Variants in CDH18 observed in about 807,000 individuals in gnomAD.
CDH18 encodes the protein cadherin-18.
Under a neutral mutation model 67.9 loss-of-function variants are expected in CDH18, and 31 were observed. The observed-to-expected ratio is 0.46, with a 90% CI of 0.34 to 0.62. The LOEUF (loss-of-function observed/expected upper bound fraction) is 0.62. Among genes scored for constraint, CDH18 ranks in the 20% least tolerant of loss-of-function variants. The pLI is 0.01. For missense variants in CDH18, 890 were observed against 975.5 expected (o/e 0.91, Z 1.17); for synonymous variants, 362 against 347.2 (o/e 1.04, Z -0.48).
intron 4 of CDH18, among the ~76,000 whole-genome samples, chr5:19,740,368 T>C (rs545384147): frequency 5.3e-5 from 8 of 152,168 alleles, no homozygotes; most frequent in African/African-American, 1.7e-4. Flanking sequence ...AAACAACTTC[T>C]AGATTTAAAA....
At chr5:19,918,878 T>G (rs1014246359) in intron 2 of CDH18, among the ~76,000 whole-genome samples, 4 of 152,110 alleles carry the variant, frequency 2.6e-5, no homozygotes, top group Non-Finnish European at 5.9e-5. Flanking sequence ...ACCTCTTTCA[T>G]GCACATCCCA....
chr5:19,903,541 GTATATATATATA>G (rs112818883), intron 2 of CDH18, among the ~76,000 whole-genome samples: 2 of 124,730 alleles, frequency 1.6e-5, no homozygotes, highest in Admixed American at 8.7e-5. Flanking sequence ...GTGTGTGTGT[GTATATATATATA>G]TATATATATA....
In CDH18 at chr5:19,662,708, G is replaced by A. The variant is rs144779354; in HGVS notation, c.644-50107C>T. 1.4e-3 allele frequency among the ~76,000 whole-genome samples: 213 copies of A among 152,090 alleles called. 3 individuals are homozygous for A. The East Asian group carries it at 0.022, about 15-fold the overall frequency. On this transcript the variant is annotated intron_variant, in intron 5 of 12. Coordinates refer to ENST00000382275, the MANE Select transcript of CDH18 (RefSeq NM_004934.5). ...TTTTCTGTATCTGTGCAGTAATTAT[G>A]AGCTTTTCTTTTACTCATGACTTGT...
chr5:19,930,955 T>C (rs1372748741), intron 2 of CDH18, among the ~76,000 whole-genome samples: 1 of 151,990 alleles, frequency 6.6e-6, no homozygotes, highest in Non-Finnish European at 1.5e-5. Context: ...AGAATGGAAG[T>C]GTGATCAAGA....
At chr5:20,243,530 T>G (rs2974583) in intron 2 of CDH18, among the ~76,000 whole-genome samples, 106,507 of 151,924 alleles carry the variant, frequency 0.7, 38,004 homozygotes, top group African/African-American at 0.85. Context: ...GACACCATTA[T>G]TACATTTAAT....
chr5:20,502,583 G>A (rs1046449735), intron 1 of CDH18, among the ~76,000 whole-genome samples: 2 of 152,176 alleles, frequency 1.3e-5, no homozygotes, highest in African/African-American at 2.4e-5. Flanking sequence ...TTTAAAAAGT[G>A]TAGATTAACC....
At chr5:19,622,469 G>T (rs1391435566) in intron 5 of CDH18, among the ~76,000 whole-genome samples, 1 of 152,100 alleles carries the variant, frequency 6.6e-6, no homozygotes, top group African/African-American at 2.4e-5. Context: ...TAAATTCTTT[G>T]ACAATAGTCC....
chr5:20,094,633 T>A (rs559564779), intron 2 of CDH18, among the ~76,000 whole-genome samples: 42 of 152,288 alleles, frequency 2.8e-4, no homozygotes, highest in Middle Eastern at 6.8e-3. Flanking sequence ...TCCTCTCTTA[T>A]TTCCTTGAAC....
intron 1 of CDH18, among the ~76,000 whole-genome samples, chr5:20,414,768 G>GAT (rs776962030): frequency 1.1e-4 from 16 of 152,122 alleles, no homozygotes; most frequent in Non-Finnish European, 2.1e-4. Flanking sequence ...ACCATAATGA[G>GAT]ATATCGTTTC....
At chr5:19,883,247 G>A (rs1308861680) in intron 2 of CDH18, among the ~76,000 whole-genome samples, 1 of 152,126 alleles carries the variant, frequency 6.6e-6, no homozygotes. Context: ...CTAATGCTTA[G>A]CATCACTGGT....
At chr5:20,039,211 A>C (rs1226023148) in intron 2 of CDH18, among the ~76,000 whole-genome samples, 4 of 152,238 alleles carry the variant, frequency 2.6e-5, no homozygotes, top group Admixed American at 6.5e-5. Flanking sequence ...AAACAAATGG[A>C]AAAACATTCC....
At chr5:20,317,690 T>A (rs1737600124) in intron 1 of CDH18, among the ~76,000 whole-genome samples, 1 of 152,194 alleles carries the variant, frequency 6.6e-6, no homozygotes, top group South Asian at 2.1e-4. Context: ...ATATCAAAAT[T>A]ATAATCTTGG....
intron 2 of CDH18, among the ~76,000 whole-genome samples, chr5:20,027,876 C>A (rs943544031): frequency 6.6e-6 from 1 of 152,126 alleles, no homozygotes; most frequent in South Asian, 2.1e-4. Context: ...CTTTTTCTCC[C>A]TCTGGGGAAG....
chr5:19,540,665 T>C (rs1202837810), intron 9 of CDH18, among the ~76,000 whole-genome samples: 1 of 152,138 alleles, frequency 6.6e-6, no homozygotes, highest in Non-Finnish European at 1.5e-5. Flanking sequence ...TTGCCAAGGC[T>C]TAGTGCTTGC....
intron 1 of CDH18, among the ~76,000 whole-genome samples, chr5:20,439,522 TTTC>T (rs1328376570): frequency 6.6e-6 from 1 of 151,626 alleles, no homozygotes; most frequent in Non-Finnish European, 1.5e-5. Context: ...TGTCAGCGTA[TTTC>T]TTATGTTTTC....
chr5:20,348,514 T>C (rs1172466984), intron 1 of CDH18, among the ~76,000 whole-genome samples: 1 of 152,170 alleles, frequency 6.6e-6, no homozygotes, highest in Non-Finnish European at 1.5e-5. Context: ...AGGAAAATAA[T>C]TTGTTGCTCT....
At chr5:20,510,625 A>G (rs753657110) in intron 1 of CDH18, among the ~76,000 whole-genome samples, 3 of 152,204 alleles carry the variant, frequency 2.0e-5, no homozygotes, top group Admixed American at 6.5e-5. Context: ...TTTTGAAAAG[A>G]AAGACTCAAG....
At chr5:19,923,521 T>C (rs559471480) in intron 2 of CDH18, among the ~76,000 whole-genome samples, 6 of 152,324 alleles carry the variant, frequency 3.9e-5, no homozygotes, top group African/African-American at 1.4e-4. Context: ...CCATTCTTAG[T>C]GCACCTCCAA....
chr5:19,500,779 A>G (rs1689695), intron 11 of CDH18, among the ~76,000 whole-genome samples: 32,222 of 152,086 alleles, frequency 0.21, 3,693 homozygotes, highest in African/African-American at 0.28. Flanking sequence ...AAACCTATAT[A>G]TGAGTTCTGA....
Sources: gnomAD v4.1 joint callset for allele counts (sites outside exome capture counted in the v4.1 genomes callset) on GRCh38, gnomAD v4.1.1 for gene constraint, MANE v1.5 for transcripts, NCBI Gene and HGNC (gene_info 2026-07-23, HGNC 2026-07-21) for gene names.